The following MYH10 variants were observed in gnomAD, a reference collection of about 807,000 sequenced individuals.
MYH10 encodes myosin-10.
In MYH10, 55 loss-of-function variants were observed where a neutral mutation model predicts 257.8. That is an observed-to-expected ratio of 0.21 (90% CI 0.17 to 0.27). The LOEUF (loss-of-function observed/expected upper bound fraction) is 0.27. Ranked by LOEUF, MYH10 falls within the 10% of genes least tolerant of loss-of-function variation. The pLI, the probability that MYH10 is intolerant of heterozygous loss-of-function variation, is 1.00. For missense variants in MYH10, 1,631 were observed against 2,500.6 expected (o/e 0.65, Z 7.42); for synonymous variants, 854 against 921.7 (o/e 0.93, Z 1.33).
intron 2 of MYH10, among the ~76,000 whole-genome samples, chr17:8,616,943 C>T (rs997144528): frequency 1.3e-5 from 2 of 151,992 alleles, no homozygotes; most frequent in Non-Finnish European, 2.9e-5. Flanking sequence ...CCAGGAAATA[C>T]AACAGAGTCA....
chr17:8,554,441 G>A (rs957592331), intron 7 of MYH10, among the ~76,000 whole-genome samples: 3 of 150,506 alleles, frequency 2.0e-5, no homozygotes, highest in Non-Finnish European at 3.0e-5. Flanking sequence ...AAAAAAACCC[G>A]AAAACTTAAC....
intron 33 of MYH10, 122 bp from the exon 34 acceptor site, chr17:8,492,631 C>CTTTTTTT: frequency 1.1e-6 from 1 of 949,304 alleles, no homozygotes; most frequent in Non-Finnish European, 1.5e-6. Flanking sequence ...CTTGTATTTC[C>CTTTTTTT]TTTTTTTTTT....
At chr17:8,588,549 C>G (rs1035872511) in intron 4 of MYH10, among the ~76,000 whole-genome samples, 3 of 152,218 alleles carry the variant, frequency 2.0e-5, no homozygotes, top group African/African-American at 7.2e-5. Context: ...TCTCTAGGTT[C>G]ATAACTACTT....
intron 4 of MYH10, among the ~76,000 whole-genome samples, chr17:8,579,458 T>C (rs2083623220): frequency 6.6e-6 from 1 of 152,104 alleles, no homozygotes; most frequent in African/African-American, 2.4e-5. Context: ...AGTAAAGAAA[T>C]TTTCTTCTCT....
intron 35 of MYH10, among the ~76,000 whole-genome samples, chr17:8,489,739 A>AC (rs1825192828): frequency 6.6e-6 from 1 of 151,258 alleles, no homozygotes; most frequent in African/African-American, 2.4e-5. Flanking sequence ...ACACACACAC[A>AC]CACACACCCC....
At position 8,530,703 on chromosome 17, in the gene MYH10, C is replaced by A; in HGVS notation, c.1895-18G>T. 1 of 1,536,490 alleles carries A rather than the reference C, an allele frequency of 6.5e-7. No homozygotes were observed. The highest frequency in any genetic ancestry group is 1.4e-5 in the African/African-American group (1 of 72,528). ...CTGAATCTCTAAAGCAGAGAAACAG[C>A]AAAAACAGGACAGAAGAGCAAATAC... is the stretch of plus-strand genomic sequence containing the variant. On this transcript the variant is annotated intron_variant, in intron 16 of 42. Transcript: ENST00000360416.
At position 8,560,999 on chromosome 17, in the gene MYH10, T is replaced by C. The variant is rs2151981470; in HGVS notation, c.757-6981A>G. The C allele has an allele frequency of 5.7e-6, 3 of 521,776 alleles. No homozygotes were observed. The South Asian group carries it at 6.2e-5, about 11-fold the overall frequency. The allele number at this position is 521,776 out of a possible 1,614,324, so 32.3% of individuals were successfully genotyped here. ...CTTGTGTTTGATCTTAACCACCAAATCATTCTTTCTGTAGCTCAGGAGAGC... is the reference window on the plus strand; with the variant it reads ...CTTGTGTTTGATCTTAACCACCAAACCATTCTTTCTGTAGCTCAGGAGAGC... On this transcript the variant is annotated intron_variant, in intron 7 of 42. Transcript: ENST00000360416.
At chr17:8,496,836 G>C (rs148976720) in intron 30 of MYH10, among the ~76,000 whole-genome samples, 1 of 152,148 alleles carries the variant, frequency 6.6e-6, no homozygotes, top group Non-Finnish European at 1.5e-5. Context: ...AATAAGGGTG[G>C]CTTTTCTCTA....
In MYH10 at chr17:8,569,090, C is replaced by G. The variant is rs1040158943; in HGVS notation, c.756+630G>C. ...CTTTTAAATTAGCCTGGTGAAGTAACGTGAGCCTGTAGTCCCGGCTCCTTG... is the reference window on the plus strand; with the variant it reads ...CTTTTAAATTAGCCTGGTGAAGTAAGGTGAGCCTGTAGTCCCGGCTCCTTG... On this transcript the variant is annotated intron_variant, in intron 7 of 42. Coordinates refer to ENST00000360416, the MANE Select transcript of MYH10 (RefSeq NM_001256012.3). The surrounding 1 kb of genome is among the most constrained non-coding windows in gnomAD (Gnocchi z 4.1). Among the ~76,000 whole-genome samples the G allele has an allele frequency of 1.3e-5, 2 of 151,414 alleles. No individual in the cohort carries two copies. The highest frequency in any genetic ancestry group is 2.9e-5 in the Non-Finnish European group (2 of 67,822).
intron 17 of MYH10, among the ~76,000 whole-genome samples, chr17:8,523,285 C>T (rs4791713): frequency 0.5 from 75,239 of 151,792 alleles, 19,789 homozygotes; most frequent in Middle Eastern, 0.6. Context: ...CTCAGTGTTG[C>T]ATCCCTGCTC....
intron 24 of MYH10, among the ~76,000 whole-genome samples, chr17:8,510,745 A>T (rs57074249): frequency 0.52 from 78,111 of 151,332 alleles, 21,220 homozygotes; most frequent in Middle Eastern, 0.63. Context: ...GAAGAGAGAA[A>T]GAGAACATGA....
intron 16 of MYH10, among the ~76,000 whole-genome samples, chr17:8,533,995 G>A (rs546912286): frequency 5.3e-5 from 8 of 152,172 alleles, no homozygotes; most frequent in Admixed American, 3.9e-4. Context: ...ACTCACCAGC[G>A]CTGGCCTTTC....
At position 8,477,633 on chromosome 17, in the gene MYH10, G is replaced by A. The variant is rs1912897498; in HGVS notation, c.5707-585C>T. Among the ~76,000 whole-genome samples the A allele has an allele frequency of 6.6e-6, 1 of 152,154 alleles. No homozygotes were observed. The highest frequency in any genetic ancestry group is 2.4e-5 in the African/African-American group (1 of 41,426). On this transcript the variant is annotated intron_variant, in intron 41 of 42. Transcript: ENST00000360416. This position sits in a 1 kb window ranked among gnomAD's most constrained non-coding sequence, Gnocchi z 4.2. ...CCTCAACTGTGCTCCGTGTTGCTAGGCCCCAAGGGTGGGGGTGGGAAGGGA... is the reference window on the plus strand; with the variant it reads ...CCTCAACTGTGCTCCGTGTTGCTAGACCCCAAGGGTGGGGGTGGGAAGGGA...
chr17:8,512,767 A>C (rs1684604155), intron 23 of MYH10, 110 bp from the exon 24 acceptor site: 1 of 803,486 alleles, frequency 1.2e-6, no homozygotes, highest in Non-Finnish European at 1.9e-6. Context: ...GGAGATAAAA[A>C]TATATAACAT....
chr17:8,617,809 C>A (rs754985331), intron 2 of MYH10, among the ~76,000 whole-genome samples: 8 of 152,082 alleles, frequency 5.3e-5, no homozygotes, highest in Non-Finnish European at 8.8e-5. Context: ...ATAAACTACT[C>A]AAACTTTTAA....
chr17:8,480,627 A>G, intron 38 of MYH10, 102 bp from the exon 39 acceptor site: 2 of 1,491,606 alleles, frequency 1.3e-6, no homozygotes, highest in Non-Finnish European at 1.8e-6. Context: ...AAACCTGAGC[A>G]GCCATCCTGA....
In MYH10 at chr17:8,475,660, A is replaced by C. The variant is rs891274654; in HGVS notation, c.*144T>G. The C allele has an allele frequency of 3.4e-5, 30 of 893,578 alleles. No individual in the cohort carries two copies. The Admixed American group carries it at 7.1e-4, about 21-fold the overall frequency. The allele number at this position is 893,578 out of a possible 1,614,324, so 55.4% of individuals were successfully genotyped here. Reference sequence around the variant, plus strand: ...TGTACCTAAGTCTGAAGCAGGATACAGTATGCATAGGCTGGAGAGCCTTAA... The same window carrying C: ...TGTACCTAAGTCTGAAGCAGGATACCGTATGCATAGGCTGGAGAGCCTTAA... On this transcript the variant is annotated 3_prime_UTR_variant, in exon 43 of 43. Transcript: ENST00000360416.
intron 3 of MYH10, among the ~76,000 whole-genome samples, chr17:8,592,777 C>G (rs1401138397): frequency 9.0e-6 from 1 of 111,456 alleles, no homozygotes; most frequent in Admixed American, 1.1e-4. Context: ...ATTTCTCAAT[C>G]CATTCTAAGA....
chr17:8,597,497 T>A (rs1293429147), intron 3 of MYH10, among the ~76,000 whole-genome samples: 1 of 152,076 alleles, frequency 6.6e-6, no homozygotes, highest in African/African-American at 2.4e-5. Flanking sequence ...TATGTCTTAT[T>A]CTACTGTGTA....
Sources: gnomAD v4.1 joint callset for allele counts (sites outside exome capture counted in the v4.1 genomes callset) on GRCh38, gnomAD v4.1.1 for gene constraint, Gnocchi (gnomAD v3.1) non-coding constraint, MANE v1.5 for transcripts, NCBI Gene and HGNC (gene_info 2026-07-23, HGNC 2026-07-21) for gene names.